The following ENAH variants were observed in gnomAD, a reference collection of about 807,000 sequenced individuals.
ENAH encodes ENAH actin regulator.
ENAH carries 23 observed loss-of-function variants against 78.7 expected under a neutral mutation model. That is an observed-to-expected ratio of 0.29 (90% CI 0.21 to 0.41). ENAH has a LOEUF of 0.41. Among genes scored for constraint, ENAH ranks in the 10% least tolerant of loss-of-function variants. The pLI is 1.00. For synonymous variants in ENAH, 226 were observed against 241.0 expected (o/e 0.94, Z 0.58); for missense variants, 544 against 691.0 (o/e 0.79, Z 2.39).
In ENAH at chr1:225,511,831, G is replaced by T; in HGVS notation, c.1451C>A (p.Ala484Asp). ...GEDSEPVTSK[A>D]SSTSTPEPTR... is the part of the protein sequence containing the mutation. ...CTTACCAGGTGTACTTGTTGAAGAG[G>T]CCTTAGAAGTTACAGGCTCTGAATC... is the stretch of plus-strand genomic sequence containing the variant. Residue 484 changes from alanine (A) to aspartate (D), a missense_variant, in exon 10 of 14, where the codon GCC becomes GAC. By Grantham distance (126) the Ala-to-Asp change is moderately radical (BLOSUM62 -2). This residue lies in a region of ENAH where 97 missense variants were observed against 124.4 expected (regional missense o/e 0.78). Transcript: ENST00000366843. 1 of 1,604,822 alleles carries T rather than the reference G, an allele frequency of 6.2e-7. No homozygotes were observed.
At chr1:225,629,806 A>T (rs1036326884) in intron 1 of ENAH, among the ~76,000 whole-genome samples, 6 of 152,212 alleles carry the variant, frequency 3.9e-5, no homozygotes, top group African/African-American at 1.4e-4. Flanking sequence ...TGCCAATACT[A>T]CAATTAACTC....
In ENAH at chr1:225,652,799, A is replaced by T. The variant is rs1663295320; in HGVS notation, c.-109T>A. The stretch of plus-strand genomic sequence containing the variant: ...GGGGAGCAGCTCGGAGACGGGAGAC[A>T]AGTGTCCGGCTCCTCCTTCGGCGGC... On this transcript the variant is annotated 5_prime_UTR_variant, in exon 1 of 14. Coordinates refer to ENST00000366843, the MANE Select transcript of ENAH (RefSeq NM_018212.6). The T allele has an allele frequency of 1.6e-5, 15 of 953,232 alleles. No individual in the cohort carries two copies. Among genetic ancestry groups the T allele is most frequent in the Non-Finnish European group, 2.1e-5 (15 of 721,834 alleles). 59.0% of individuals were successfully genotyped at this position (953,232 alleles called of 1,614,324 possible).
chr1:225,517,890 T>C, intron 5 of ENAH: 1 of 1,551,074 alleles, frequency 6.4e-7, no homozygotes, highest in Non-Finnish European at 8.7e-7. Context: ...ACACTGGAGC[T>C]GAGATGACTT....
At chr1:225,565,392 G>A (rs1011819764) in intron 2 of ENAH, among the ~76,000 whole-genome samples, 4 of 151,792 alleles carry the variant, frequency 2.6e-5, no homozygotes, top group East Asian at 1.9e-4. Context: ...CCACAATCAC[G>A]CCATTGCACT....
At chr1:225,652,244 C>T (rs755404348) in intron 1 of ENAH, 14 of 808,520 alleles carry the variant, frequency 1.7e-5, no homozygotes, top group Non-Finnish European at 9.0e-6. Context: ...TCAAACTTTT[C>T]TTCCTTTTTT....
In ENAH at chr1:225,487,802, G is replaced by C. The variant is rs571677445; in HGVS notation, c.*9973C>G. ...AATTCAGAGCAAAGCAAGATGACAA[G>C]AGATTCCAATTCCAGCATATATTAT... On this transcript the variant is annotated 3_prime_UTR_variant, in exon 14 of 14. Transcript: ENST00000366843. 22 of 152,320 alleles carry C rather than the reference G, an allele frequency of 1.4e-4. No individual in the cohort carries two copies. Among genetic ancestry groups the C allele is most frequent in the African/African-American group, 5.3e-4 (22 of 41,568 alleles). The allele number at this position is 152,320 out of a possible 1,614,324, so 9.4% of individuals were successfully genotyped here.
Position 225,489,408 on chromosome 1 carries a change from G to C in ENAH, c.*8367C>G, listed in dbSNP as rs2096212568. 6.6e-6 allele frequency: 1 copy of C among 152,116 alleles called. No individual in the cohort carries two copies. The highest frequency in any genetic ancestry group is 6.6e-5 in the Admixed American group (1 of 15,262). 9.4% of individuals were successfully genotyped at this position (152,116 alleles called of 1,614,324 possible). ...CACTGGTGCTTTATGCAACACCACT[G>C]ACCCCAAGATGGTCACTCCATTGAT... On this transcript the variant is annotated 3_prime_UTR_variant, in exon 14 of 14. Transcript: ENST00000366843.
At chr1:225,574,088 A>G (rs1365659411) in intron 1 of ENAH, among the ~76,000 whole-genome samples, 3 of 152,236 alleles carry the variant, frequency 2.0e-5, no homozygotes, top group African/African-American at 7.2e-5. Context: ...ATACTAAGAA[A>G]TAACACTAAA....
rs909713767 is a variant in ENAH, at chr1:225,487,606, T to G, written c.*10169A>C. The G allele has an allele frequency of 5.3e-5, 8 of 152,256 alleles. No individual in the cohort carries two copies. The highest frequency in any genetic ancestry group is 1.9e-4 in the African/African-American group (8 of 41,464). 9.4% of individuals were successfully genotyped at this position (152,256 alleles called of 1,614,324 possible). The stretch of plus-strand genomic sequence containing the variant: ...TTCTAGTTACAATTAAAATACAGCC[T>G]TGTATATGTTTAAGTCAACCTTAAC... On this transcript the variant is annotated 3_prime_UTR_variant, in exon 14 of 14. Coordinates refer to ENST00000366843, the MANE Select transcript of ENAH (RefSeq NM_018212.6).
rs927940621 is a variant in ENAH at position 225,519,401 on chromosome 1, C to A, written c.599G>T (p.Arg200Leu). ...QLERERQERE[R>L]QERLERQERL... ...TTCCTGCCGCTCCAGGCGTTCCTGC[C>A]GTTCCCGTTCTTGTCTCTCTCTCTC... The change falls in exon 5 of 14, where the codon CGG becomes CTG. Residue 200 changes from arginine to leucine, a missense_variant. By Grantham distance (102) the Arg-to-Leu change is moderately radical. This residue lies in a region of ENAH where 366 missense variants were observed against 396.1 expected (regional missense o/e 0.92). Transcript: ENST00000366843. 24 of 1,613,236 alleles carry A rather than the reference C, an allele frequency of 1.5e-5. No homozygotes were observed. Among genetic ancestry groups the A allele is most frequent in the Non-Finnish European group, 1.9e-5 (23 of 1,179,670 alleles).
At chr1:225,611,374 A>T (rs1418738987) in intron 1 of ENAH, among the ~76,000 whole-genome samples, 1 of 152,090 alleles carries the variant, frequency 6.6e-6, no homozygotes, top group African/African-American at 2.4e-5. Flanking sequence ...GCTGGGGTGC[A>T]GTGGCGCGAT....
intron 4 of ENAH, among the ~76,000 whole-genome samples, chr1:225,521,197 T>C (rs1043380564): frequency 6.6e-6 from 1 of 152,216 alleles, no homozygotes; most frequent in Non-Finnish European, 1.5e-5. Flanking sequence ...CTAACACTAT[T>C]GGCAATACTG....
chr1:225,650,874 A>C (rs944693781), intron 1 of ENAH, among the ~76,000 whole-genome samples: 3 of 150,060 alleles, frequency 2.0e-5, no homozygotes, highest in South Asian at 2.1e-4. Context: ...AAAAAAAAAA[A>C]AAAACTTTCC....
At chr1:225,552,425 A>C (rs1469695212) in intron 3 of ENAH, among the ~76,000 whole-genome samples, 1 of 152,180 alleles carries the variant, frequency 6.6e-6, no homozygotes, top group African/African-American at 2.4e-5. Flanking sequence ...GGCGTGAGCC[A>C]CCGTGCCCGG....
chr1:225,618,297 T>C (rs936825367), intron 1 of ENAH, among the ~76,000 whole-genome samples: 6 of 152,162 alleles, frequency 3.9e-5, no homozygotes, highest in Admixed American at 6.5e-5. Context: ...AAGTGAACCA[T>C]GGGCCAATAT....
intron 1 of ENAH, among the ~76,000 whole-genome samples, chr1:225,575,217 A>T (rs2096782886): frequency 6.6e-6 from 1 of 152,170 alleles, no homozygotes; most frequent in Non-Finnish European, 1.5e-5. Flanking sequence ...TTTGTTCACA[A>T]TGCTCAATGC....
chr1:225,525,485 C>T (rs1157506184), intron 4 of ENAH, among the ~76,000 whole-genome samples: 2 of 152,182 alleles, frequency 1.3e-5, no homozygotes, highest in African/African-American at 4.8e-5. Context: ...AGCAGAACCA[C>T]GGTCAGGTTT....
intron 7 of ENAH, among the ~76,000 whole-genome samples, chr1:225,514,308 AG>A (rs2096400060): frequency 6.6e-6 from 1 of 151,990 alleles, no homozygotes. Context: ...CTGGGATTAT[AG>A]GCATGTGTCA....
At chr1:225,515,957 T>C (rs1263297415) in intron 6 of ENAH, among the ~76,000 whole-genome samples, 1 of 152,210 alleles carries the variant, frequency 6.6e-6, no homozygotes, top group African/African-American at 2.4e-5. Flanking sequence ...TTAAGCAAAT[T>C]TGTAAGTCAA....
Sources: allele counts gnomAD v4.1 joint callset (sites outside exome capture counted in the v4.1 genomes callset), GRCh38; gene constraint gnomAD v4.1.1; regional missense constraint gnomAD v4.1.1; transcripts MANE v1.5; gene names NCBI Gene and HGNC (gene_info 2026-07-23, HGNC 2026-07-21).